Variants in COLGALT1 observed in about 807,000 individuals in gnomAD.
The protein encoded by COLGALT1 is collagen beta(1-O)galactosyltransferase 1.
A neutral mutation model predicts 60.8 loss-of-function variants in COLGALT1; 43 were observed. The ratio of observed to expected loss-of-function variants is 0.71; its 90% CI spans 0.55 to 0.91. The LOEUF is 0.91. Ranked by LOEUF, COLGALT1 falls within the 40% of genes least tolerant of loss-of-function variation. COLGALT1 has a pLI of 0.00. For synonymous variants in COLGALT1, 369 were observed against 374.2 expected, an observed-to-expected ratio of 0.99 and a Z score of 0.16; for missense variants, 845 against 880.0, an observed-to-expected ratio of 0.96 and a Z score of 0.50.
rs1324450419 is a variant in COLGALT1, at chr19:17,582,325, CACT to C, written c.*882_*884del. On this transcript the variant is annotated 3_prime_UTR_variant, in exon 12 of 12. Transcript: ENST00000252599. The stretch of plus-strand genomic sequence containing the variant: ...ACAAAGATAAGTTCCTGATTCGGTA[CACT>C]TACTGAGCACCTGCTGTGTGCAGGG... The C allele has an allele frequency of 2.6e-5, 4 of 152,240 alleles. No homozygotes were observed. The highest frequency in any genetic ancestry group is 4.4e-5 in the Non-Finnish European group (3 of 68,056). The allele number at this position is 152,240 out of a possible 1,614,324, so 9.4% of individuals were successfully genotyped here.
At chr19:17,573,575 T>A (rs1163995594) in intron 6 of COLGALT1, among the ~76,000 whole-genome samples, 1 of 151,792 alleles carries the variant, frequency 6.6e-6, no homozygotes, top group East Asian at 1.9e-4. Context: ...GGCACATGCC[T>A]GTATTCTAGC....
rs147915782 is a variant in COLGALT1 at position 17,579,499 on chromosome 19, G to A, written c.1284G>A (p.Leu428=). ...NIWKEVVDRG[L]QKSLVFEDDL... is the part of the protein sequence containing the mutation. ...TCCCTCAGGTGGTGGACCGGGGGCT[G>A]CAGAAATCGCTTGTGTTTGAGGATG... The change falls in exon 10 of 12, where the codon CTG becomes CTA. Residue 428 remains leucine (L), a synonymous_variant. Transcript: ENST00000252599. The A allele has an allele frequency of 1.7e-4, 267 of 1,614,158 alleles. No individual in the cohort carries two copies. The African/African-American group carries it at 3.1e-3, about 19-fold the overall frequency.
intron 6 of COLGALT1, 192 bp from the exon 7 acceptor site, chr19:17,577,003 T>TGAGAGGCAGGACTGGGGGCGGGGCGAAGC: frequency 1.7e-6 from 1 of 587,594 alleles, no homozygotes; most frequent in Non-Finnish European, 3.0e-6. Flanking sequence ...TGGCCAGGGC[T>TGAGAGGCAGGACTGGGGGCGGGGCGAAGC]TTGGGCTGCT....
intron 1 of COLGALT1, among the ~76,000 whole-genome samples, chr19:17,558,007 G>A (rs1024714146): frequency 2.6e-5 from 4 of 151,430 alleles, no homozygotes; most frequent in African/African-American, 7.3e-5. Flanking sequence ...GCACGATCTC[G>A]GCTCACTGCA....
chr19:17,559,595 C>G (rs565763145), intron 2 of COLGALT1, among the ~76,000 whole-genome samples, 174 bp downstream of exon 2: 1 of 152,134 alleles, frequency 6.6e-6, no homozygotes, highest in Non-Finnish European at 1.5e-5. Context: ...GGCCATAATC[C>G]TCTTCTCAGA....
intron 1 of COLGALT1, among the ~76,000 whole-genome samples, chr19:17,557,434 TG>T (rs1409905427): frequency 1.3e-5 from 2 of 150,892 alleles, no homozygotes; most frequent in East Asian, 3.9e-4. Context: ...CCGAGTAGCT[TG>T]GGATTACAGG....
Position 17,581,533 on chromosome 19 carries a change from G to A in COLGALT1, c.*89G>A, listed in dbSNP as rs2076382865. On this transcript the variant is annotated 3_prime_UTR_variant, in exon 12 of 12. Coordinates refer to ENST00000252599, the MANE Select transcript of COLGALT1 (RefSeq NM_024656.4). Reference sequence around the variant, plus strand: ...CATCAGGTCCACCTCTGGACCCCTTGGCAGGCCACAGAGGGCTCTCGTGTG... The same window carrying A: ...CATCAGGTCCACCTCTGGACCCCTTAGCAGGCCACAGAGGGCTCTCGTGTG... The A allele has an allele frequency of 3.4e-6, 5 of 1,486,224 alleles. No individual in the cohort carries two copies. Among genetic ancestry groups the A allele is most frequent in the Non-Finnish European group, 4.5e-6 (5 of 1,119,968 alleles). 92.1% of individuals were successfully genotyped at this position (1,486,224 alleles called of 1,614,324 possible).
At chr19:17,557,268 C>G (rs2076218044) in intron 1 of COLGALT1, among the ~76,000 whole-genome samples, 1 of 151,334 alleles carries the variant, frequency 6.6e-6, no homozygotes, top group Non-Finnish European at 1.5e-5. Flanking sequence ...AAGATGAAGG[C>G]AGGGTAAGGG....
At chr19:17,570,124 A>G (rs2076303871) in intron 5 of COLGALT1, among the ~76,000 whole-genome samples, 1 of 150,272 alleles carries the variant, frequency 6.7e-6, no homozygotes, top group African/African-American at 2.4e-5. Flanking sequence ...TGATCTCTTG[A>G]CCTTGTGATC....
rs147899199 is a variant in COLGALT1, at chr19:17,568,561, G to A, written c.677G>A (p.Arg226Gln). The A allele has an allele frequency of 4.9e-3, 7,905 of 1,614,170 alleles. 22 individuals are homozygous for A. Among genetic ancestry groups the A allele is most frequent in the Middle Eastern group, 5.9e-3 (36 of 6,060 alleles). ...ATCCCTATCCGCAAGCGAGACCGCCGGGGCTGCTTTGCAGTTCCCATGGTG... is the reference window on the plus strand; with the variant it reads ...ATCCCTATCCGCAAGCGAGACCGCCAGGGCTGCTTTGCAGTTCCCATGGTG... ...AYIPIRKRDR[R>Q]GCFAVPMVHS... The change falls in exon 5 of 12, where the codon CGG (arginine) becomes CAG (glutamine). Residue 226 changes from arginine (R) to glutamine (Q), a missense_variant. Transcript: ENST00000252599.
At chr19:17,567,668 G>C in intron 4 of COLGALT1, 128 bp downstream of exon 4, 1 of 1,094,954 alleles carries the variant, frequency 9.1e-7, no homozygotes, top group Non-Finnish European at 1.3e-6. Flanking sequence ...GCTGGGCACG[G>C]TGGCTCACAC....
At chr19:17,556,285 C>T (rs752570022) in intron 1 of COLGALT1, among the ~76,000 whole-genome samples, 1 of 152,228 alleles carries the variant, frequency 6.6e-6, no homozygotes, top group Non-Finnish European at 1.5e-5. Context: ...CTTCTGCCTG[C>T]TGGACCCTAC....
At position 17,567,481 on chromosome 19, in the gene COLGALT1, G is replaced by A. The variant is rs747606083; in HGVS notation, c.565G>A (p.Ala189Thr). 24 of 1,613,864 alleles carry A rather than the reference G, an allele frequency of 1.5e-5. No homozygotes were observed. Among genetic ancestry groups the A allele is most frequent in the East Asian group, 2.2e-5 (1 of 44,890 alleles). ...LLIAENKTVV[A>T]PMLDSRAAYS... Reference sequence around the variant, plus strand: ...CATCGCTGAGAACAAGACGGTGGTCGCCCCCATGCTGGATTCCCGGGCTGC... The same window carrying A: ...CATCGCTGAGAACAAGACGGTGGTCACCCCCATGCTGGATTCCCGGGCTGC... The change falls in exon 4 of 12, where the codon GCC becomes ACC. Residue 189 changes from alanine (A) to threonine (T), a missense_variant. Ala to Thr is a moderately conservative substitution (Grantham distance 58). Coordinates refer to ENST00000252599, the MANE Select transcript of COLGALT1 (RefSeq NM_024656.4).
At chr19:17,567,361 C>T (rs1433483483) in intron 3 of COLGALT1, 45 bp from the exon 4 acceptor site, 2 of 1,609,114 alleles carry the variant, frequency 1.2e-6, no homozygotes, top group Admixed American at 1.7e-5. Flanking sequence ...TGAATGGTAG[C>T]CTGACCTGGC....
rs1446694213 is a variant in COLGALT1 at position 17,577,967 on chromosome 19, A to G, written c.1144A>G (p.Thr382Ala). The G allele has an allele frequency of 5.0e-6, 8 of 1,609,922 alleles. No homozygotes were observed. The Admixed American group carries it at 6.7e-5, about 13-fold the overall frequency. ...CCTCCTCCTCTCCAGAGCCATGAAC[A>G]CCAGCCAGGTGGAGGCGCTGGGGAT... Reference protein sequence around the residue: ...VEAVDGKAMNTSQVEALGIQM... With the variant: ...VEAVDGKAMNASQVEALGIQM... Residue 382 changes from threonine to alanine, a missense_variant, in exon 9 of 12, where the codon ACC becomes GCC. Physicochemically the swap from Thr to Ala is moderately conservative, Grantham distance 58. Coordinates refer to ENST00000252599, the MANE Select transcript of COLGALT1 (RefSeq NM_024656.4).
chr19:17,568,693 C>T lies in COLGALT1; in HGVS notation c.809C>T (p.Ala270Val), dbSNP rs374143153. The change falls in exon 5 of 12, where the codon GCC becomes GTC. Residue 270 changes from alanine (A) to valine (V), a missense_variant. Transcript: ENST00000252599. ...TWSFDDIIVFAFSCKQAEVQM... is the reference protein window; with the variant it reads ...TWSFDDIIVFVFSCKQAEVQM... The stretch of plus-strand genomic sequence containing the variant: ...TCCTTTGACGACATCATCGTCTTTG[C>T]CTTCTCCTGCAAGCAGGCAGGTACG... 11 of 1,614,166 alleles carry T rather than the reference C, an allele frequency of 6.8e-6. No homozygotes were observed. The highest frequency in any genetic ancestry group is 9.3e-6 in the Non-Finnish European group (11 of 1,180,028).
chr19:17,574,821 C>G (rs1348500328), intron 6 of COLGALT1, among the ~76,000 whole-genome samples: 3 of 152,064 alleles, frequency 2.0e-5, no homozygotes, highest in African/African-American at 7.2e-5. Context: ...CTGTGGCTAC[C>G]AGAGTTTTCC....
At chr19:17,574,477 C>T (rs1164994027) in intron 6 of COLGALT1, among the ~76,000 whole-genome samples, 1 of 151,962 alleles carries the variant, frequency 6.6e-6, no homozygotes, top group African/African-American at 2.4e-5. Flanking sequence ...ATTACAGGTA[C>T]CTGCCACCAC....
intron 5 of COLGALT1, among the ~76,000 whole-genome samples, chr19:17,570,734 T>C (rs1483145056): frequency 6.6e-6 from 1 of 151,752 alleles, no homozygotes; most frequent in Non-Finnish European, 1.5e-5. Flanking sequence ...CCTGGCTAAT[T>C]TTTGTATTTT....
Sources: gnomAD v4.1 joint callset for allele counts (sites outside exome capture counted in the v4.1 genomes callset) on GRCh38, gnomAD v4.1.1 for gene constraint, MANE v1.5 for transcripts, NCBI Gene and HGNC (gene_info 2026-07-23, HGNC 2026-07-21) for gene names.